Variants in POFUT3 observed in about 807,000 individuals in gnomAD.
POFUT3 encodes protein O-fucosyltransferase 3, also known as GDP-fucose protein O-fucosyltransferase 3.
the POFUT3 span, among the ~76,000 whole-genome samples, chr8:33,369,573 A>G: frequency 6.6e-6 from 1 of 152,150 alleles, no homozygotes; most frequent in African/African-American, 2.4e-5. Context: ...TGAGGTCCTA[A>G]TGAATTGCCA....
the POFUT3 span, among the ~76,000 whole-genome samples, chr8:33,429,854 G>A: frequency 8.6e-5 from 13 of 151,944 alleles, no homozygotes; most frequent in African/African-American, 2.2e-4. Context: ...AAATTAGCTG[G>A]GCATGGTGGT....
chr8:33,407,628 C>T, the POFUT3 span, among the ~76,000 whole-genome samples: 1 of 152,070 alleles, frequency 6.6e-6, no homozygotes, highest in Non-Finnish European at 1.5e-5. Flanking sequence ...TAATGCAAGC[C>T]TTCAGCAAAC....
At chr8:33,468,255 A>AG in the POFUT3 span, among the ~76,000 whole-genome samples, 30 of 131,292 alleles carry the variant, frequency 2.3e-4, no homozygotes, top group African/African-American at 4.9e-4. Context: ...AAAAAAAAAA[A>AG]AAGAAGAAGA....
chr8:33,469,031 T>G, the POFUT3 span, among the ~76,000 whole-genome samples: 1 of 152,156 alleles, frequency 6.6e-6, no homozygotes, highest in African/African-American at 2.4e-5. Flanking sequence ...TGAGGCCGGA[T>G]GCAGTGGTGC....
chr8:33,440,409 C>A, the POFUT3 span, among the ~76,000 whole-genome samples: 1 of 152,048 alleles, frequency 6.6e-6, no homozygotes, highest in African/African-American at 2.4e-5. Context: ...TCATCCCTGT[C>A]TGGTGGCATG....
the POFUT3 span, among the ~76,000 whole-genome samples, chr8:33,461,191 AAGGGAGGGAGGGAGGGAGGG>A: frequency 2.2e-3 from 59 of 26,372 alleles, 1 homozygote; most frequent in East Asian, 0.02. Context: ...GGAAGGAAGG[AAGGGAGGGAGGGAGGGAGGG>A]AGGGAGGGAG....
the POFUT3 span, among the ~76,000 whole-genome samples, chr8:33,363,517 T>A: frequency 6.6e-6 from 1 of 151,936 alleles, no homozygotes; most frequent in Non-Finnish European, 1.5e-5. Context: ...ATTGATAGAC[T>A]GCTAGCAAGA....
the POFUT3 span, among the ~76,000 whole-genome samples, chr8:33,384,047 C>A: frequency 1.3e-5 from 2 of 152,034 alleles, no homozygotes; most frequent in African/African-American, 4.8e-5. Context: ...AAACTGGTAT[C>A]TACACAGGAT....
chr8:33,316,769 CA>C, the POFUT3 span, among the ~76,000 whole-genome samples: 1 of 150,430 alleles, frequency 6.6e-6, no homozygotes, highest in African/African-American at 2.4e-5. Flanking sequence ...AAAGGAACAG[CA>C]AAAATTTGTT....
the POFUT3 span, among the ~76,000 whole-genome samples, chr8:33,367,523 G>A: frequency 7.8e-6 from 1 of 127,460 alleles, no homozygotes; most frequent in South Asian, 3.2e-4. Flanking sequence ...TGAGACCCCT[G>A]ATTTCCCCAC....
At chr8:33,405,724 A>G in the POFUT3 span, among the ~76,000 whole-genome samples, 1 of 152,226 alleles carries the variant, frequency 6.6e-6, no homozygotes, top group Non-Finnish European at 1.5e-5. Flanking sequence ...TCTAACTCAG[A>G]GCTCGTGTGA....
chr8:33,336,075 A>T, the POFUT3 span, among the ~76,000 whole-genome samples: 10 of 152,200 alleles, frequency 6.6e-5, no homozygotes, highest in Admixed American at 6.5e-4. Flanking sequence ...TATTTCTTCA[A>T]TTTCTGTGTT....
chr8:33,398,712 TAAAATA>T, the POFUT3 span, among the ~76,000 whole-genome samples: 1 of 152,132 alleles, frequency 6.6e-6, no homozygotes, highest in South Asian at 2.1e-4. Flanking sequence ...CCCCGGAACC[TAAAATA>T]AAAGTTAAAA....
chr8:33,417,500 C>G, the POFUT3 span, among the ~76,000 whole-genome samples: 3 of 152,064 alleles, frequency 2.0e-5, no homozygotes, highest in Non-Finnish European at 2.9e-5. Flanking sequence ...GAGCTACAGC[C>G]ACTCAGCGGA....
the POFUT3 span, among the ~76,000 whole-genome samples, chr8:33,308,379 T>A: frequency 6.6e-6 from 1 of 152,218 alleles, no homozygotes; most frequent in Admixed American, 6.5e-5. Context: ...ATTCTGTCTC[T>A]GGCTAATGGT....
chr8:33,384,137 G>C, the POFUT3 span, among the ~76,000 whole-genome samples: 1 of 152,110 alleles, frequency 6.6e-6, no homozygotes, highest in South Asian at 2.1e-4. Flanking sequence ...CAAGCAGGTA[G>C]GTATTATGAG....
chr8:33,330,261 C>G, the POFUT3 span, among the ~76,000 whole-genome samples: 1 of 152,014 alleles, frequency 6.6e-6, no homozygotes, highest in Non-Finnish European at 1.5e-5. Flanking sequence ...CTGGCCAACA[C>G]AGTGAAACCC....
At chr8:33,409,853 G>A in the POFUT3 span, among the ~76,000 whole-genome samples, 2 of 152,162 alleles carry the variant, frequency 1.3e-5, no homozygotes, top group Admixed American at 6.5e-5. Flanking sequence ...TGCAGTGAGC[G>A]GAGATTGCGC....
chr8:33,358,136 C>T, the POFUT3 span, among the ~76,000 whole-genome samples: 1 of 152,072 alleles, frequency 6.6e-6, no homozygotes, highest in African/African-American at 2.4e-5. Flanking sequence ...TTCTGTAGTC[C>T]CAGCTACCTG....
Sources: gnomAD v4.1 joint callset for allele counts (sites outside exome capture counted in the v4.1 genomes callset) on GRCh38, gnomAD v4.1.1 for gene constraint, MANE v1.5 for transcripts, NCBI Gene and HGNC (gene_info 2026-07-23, HGNC 2026-07-21) for gene names.